Variants in RAPGEF4 observed in about 807,000 individuals in gnomAD.
The protein encoded by RAPGEF4 is RAP guanine-nucleotide-exchange factor (GEF) 4.
RAPGEF4 carries 66 observed loss-of-function variants against 147.9 expected under a neutral mutation model. The observed-to-expected ratio is 0.45, with a 90% CI of 0.37 to 0.55. RAPGEF4 has a LOEUF of 0.55. Among genes scored for constraint, RAPGEF4 ranks in the 20% least tolerant of loss-of-function variants. The pLI is 0.00. For missense variants in RAPGEF4, 1,071 were observed against 1,257.3 expected, an observed-to-expected ratio of 0.85 and a Z score of 2.24; for synonymous variants, 419 against 442.7, an observed-to-expected ratio of 0.95 and a Z score of 0.67.
At position 172,851,152 on chromosome 2, in the gene RAPGEF4, C is replaced by T. The variant is rs1357617895; in HGVS notation, c.444+36727C>T. ...TTCTGGTATGTTGTATCTTTGTTCT[C>T]GATAGTGTCAAAGAATTTCTTGACT... is the stretch of plus-strand genomic sequence containing the variant. On this transcript the variant is annotated intron_variant, in intron 4 of 30. Transcript: ENST00000397081. Among the ~76,000 whole-genome samples, 6 of 152,128 alleles carry T rather than the reference C, an allele frequency of 3.9e-5. No homozygotes were observed. In the South Asian group the frequency reaches 1.0e-3, roughly 26 times the overall value.
At chr2:173,040,922 G>A (rs1684684653) in intron 29 of RAPGEF4, among the ~76,000 whole-genome samples, 5 of 152,150 alleles carry the variant, frequency 3.3e-5, no homozygotes, top group Admixed American at 6.5e-5. Context: ...ATGGATTAGA[G>A]GATAATATGC....
chr2:172,797,102 G>T (rs1444997367), intron 2 of RAPGEF4, among the ~76,000 whole-genome samples: 2 of 152,180 alleles, frequency 1.3e-5, no homozygotes, highest in African/African-American at 4.8e-5. Flanking sequence ...TAATATAGTA[G>T]TTAAAATTTT....
At chr2:172,897,433 C>G (rs1163873066) in intron 4 of RAPGEF4, among the ~76,000 whole-genome samples, 1 of 152,066 alleles carries the variant, frequency 6.6e-6, no homozygotes, top group Non-Finnish European at 1.5e-5. Context: ...GGGTCTCGCT[C>G]TGTCACCCGG....
chr2:173,026,991 C>T (rs1303729376), intron 24 of RAPGEF4, 90 bp from the exon 25 acceptor site: 2 of 1,173,288 alleles, frequency 1.7e-6, no homozygotes, highest in Non-Finnish European at 2.4e-6. Context: ...CATTTGCTGA[C>T]CAGTAAAACA....
chr2:172,906,073 C>A (rs1391407644), intron 4 of RAPGEF4, among the ~76,000 whole-genome samples: 1 of 151,884 alleles, frequency 6.6e-6, no homozygotes, highest in African/African-American at 2.4e-5. Flanking sequence ...GATTTTGGAG[C>A]CATGTGTTGT....
chr2:172,921,005 G>T (rs1239936262), intron 5 of RAPGEF4, among the ~76,000 whole-genome samples: 1 of 152,116 alleles, frequency 6.6e-6, no homozygotes, highest in Non-Finnish European at 1.5e-5. Context: ...GTGGATCAAA[G>T]CTTCAATTAG....
intron 6 of RAPGEF4, among the ~76,000 whole-genome samples, chr2:172,953,561 A>T (rs1035649642): frequency 2.0e-5 from 3 of 152,050 alleles, no homozygotes; most frequent in African/African-American, 7.2e-5. Flanking sequence ...CCCTTCCCCC[A>T]CTGACCACTA....
At position 173,036,618 on chromosome 2, in the gene RAPGEF4, T is replaced by G; in HGVS notation, c.2789-10T>G. 6.3e-7 allele frequency: 1 copy of G among 1,594,912 alleles called. No individual in the cohort carries two copies. Among genetic ancestry groups the G allele is most frequent in the Non-Finnish European group, 8.5e-7 (1 of 1,170,044 alleles). On this transcript the variant is annotated splice_polypyrimidine_tract_variant and intron_variant, in intron 28 of 30. Transcript: ENST00000397081. ...TTAGTGATTAGAATGTGGCTTTTAT[T>G]TCTTTACAGATATGACATTTACTCA... is the stretch of plus-strand genomic sequence containing the variant.
chr2:172,805,209 A>T (rs967120335), intron 3 of RAPGEF4, among the ~76,000 whole-genome samples: 5 of 152,008 alleles, frequency 3.3e-5, no homozygotes, highest in African/African-American at 1.2e-4. Flanking sequence ...TGGAGGGGAG[A>T]CAATGGTCCC....
chr2:172,807,817 T>G (rs1196095603), intron 3 of RAPGEF4, among the ~76,000 whole-genome samples: 1 of 152,192 alleles, frequency 6.6e-6, no homozygotes. Flanking sequence ...GGAGCAATTA[T>G]TTTTCCCTTG....
At chr2:173,051,498 G>A (rs962933237) in intron 30 of RAPGEF4, 142 bp from the exon 31 acceptor site, 4 of 746,652 alleles carry the variant, frequency 5.4e-6, no homozygotes, top group Admixed American at 3.5e-5. Flanking sequence ...AAGTGGAAAC[G>A]TTTCAATGAT....
intron 6 of RAPGEF4, among the ~76,000 whole-genome samples, chr2:172,955,040 C>T (rs535512288): frequency 1.3e-5 from 2 of 152,244 alleles, no homozygotes; most frequent in South Asian, 4.1e-4. Context: ...GGCTTTTTAC[C>T]GCACTGGTTT....
intron 6 of RAPGEF4, among the ~76,000 whole-genome samples, chr2:172,931,710 G>C (rs1486842057): frequency 3.3e-5 from 5 of 152,112 alleles, no homozygotes; most frequent in Non-Finnish European, 7.4e-5. Flanking sequence ...GGCTTGTTTG[G>C]GGCACATCGG....
At chr2:172,942,955 G>C (rs1687317812) in intron 6 of RAPGEF4, among the ~76,000 whole-genome samples, 1 of 152,084 alleles carries the variant, frequency 6.6e-6, no homozygotes, top group Non-Finnish European at 1.5e-5. Context: ...ACATCTGGCT[G>C]GCGGCCACTG....
In RAPGEF4 at chr2:173,048,572, A is replaced by G. The variant is rs367594182; in HGVS notation, c.2854-28A>G. On this transcript the variant is annotated intron_variant, in intron 29 of 30. Transcript: ENST00000397081. ...GTACTCTACGCTTACTTGAATTTCT[A>G]TCTTTCTTTTTTCTATATTCCTTTT... 5.8e-5 allele frequency: 94 copies of G among 1,613,628 alleles called. 1 individual carries two copies. The African/African-American group carries it at 7.2e-4, about 12-fold the overall frequency.
Position 173,001,282 on chromosome 2 carries a change from C to T in RAPGEF4, c.1596C>T (p.Asp532=). Reference sequence around the variant, plus strand: ...CCCTTCCAGATTCTGTTTTAAATGACTTTATTATGATGCACTGTGTTTTTA... The same window carrying T: ...CCCTTCCAGATTCTGTTTTAAATGATTTTATTATGATGCACTGTGTTTTTA... ...LNEATDSVLN[D]FIMMHCVFMP... is the part of the protein sequence containing the mutation. Residue 532 remains aspartate (D), a synonymous_variant, in exon 17 of 31, where the codon GAC becomes GAT. Transcript: ENST00000397081. 1 of 1,613,866 alleles carries T rather than the reference C, an allele frequency of 6.2e-7. No individual in the cohort carries two copies. Among genetic ancestry groups the T allele is most frequent in the Non-Finnish European group, 8.5e-7 (1 of 1,179,892 alleles).
intron 25 of RAPGEF4, among the ~76,000 whole-genome samples, chr2:173,028,867 G>A (rs1469247071): frequency 6.6e-6 from 1 of 152,218 alleles, no homozygotes; most frequent in Non-Finnish European, 1.5e-5. Flanking sequence ...TGTGAAGTTG[G>A]TGGAAGCAGA....
chr2:173,047,238 T>C (rs1016215011), intron 29 of RAPGEF4, among the ~76,000 whole-genome samples: 2 of 152,186 alleles, frequency 1.3e-5, no homozygotes, highest in African/African-American at 2.4e-5. Flanking sequence ...TCAGTGTTTT[T>C]CCCCAGGGGA....
At chr2:172,921,466 G>T (rs530240294) in intron 5 of RAPGEF4, among the ~76,000 whole-genome samples, 90 of 152,292 alleles carry the variant, frequency 5.9e-4, no homozygotes, top group African/African-American at 2.1e-3. Flanking sequence ...TGTTTACTCA[G>T]AATTTGGATT....
Sources: gnomAD v4.1 joint callset for allele counts (sites outside exome capture counted in the v4.1 genomes callset) on GRCh38, gnomAD v4.1.1 for gene constraint, MANE v1.5 for transcripts, NCBI Gene and HGNC (gene_info 2026-07-23, HGNC 2026-07-21) for gene names.